The following SLC30A6 variants were observed in gnomAD, a reference collection of about 807,000 sequenced individuals.
The protein encoded by SLC30A6 is zinc transporter 6.
A neutral mutation model predicts 63.0 loss-of-function variants in SLC30A6; 55 were observed. That is an observed-to-expected ratio of 0.87 (90% confidence interval 0.70 to 1.09). The LOEUF is 1.09. SLC30A6 is among the 50% of genes least tolerant of loss of function. SLC30A6 has a pLI of 0.00. For missense variants in SLC30A6, 587 were observed against 549.2 expected, an observed-to-expected ratio of 1.07 and a Z score of -0.69; for synonymous variants, 224 against 186.1, an observed-to-expected ratio of 1.20 and a Z score of -1.66.
chr2:32,217,928 A>C (rs212698), intron 13 of SLC30A6, among the ~76,000 whole-genome samples: 96,139 of 151,464 alleles, frequency 0.63, 30,744 homozygotes, highest in African/African-American at 0.68. Flanking sequence ...CTCGACCTCT[A>C]AGGTTCAATC....
intron 12 of SLC30A6, among the ~76,000 whole-genome samples, chr2:32,207,747 C>G (rs1684905776): frequency 7.8e-6 from 1 of 128,892 alleles, no homozygotes; most frequent in East Asian, 2.4e-4. Flanking sequence ...GTCGCCCAGG[C>G]TGGAGTGCAG....
At chr2:32,166,277 C>A (rs1161936683) in intron 1 of SLC30A6, among the ~76,000 whole-genome samples, 1 of 150,546 alleles carries the variant, frequency 6.6e-6, no homozygotes, top group Admixed American at 6.6e-5. Flanking sequence ...AATAGTGATT[C>A]TTAGAGCAGT....
At chr2:32,218,735 T>C (rs905800765) in intron 13 of SLC30A6, among the ~76,000 whole-genome samples, 5 of 152,274 alleles carry the variant, frequency 3.3e-5, no homozygotes, top group African/African-American at 1.2e-4. Flanking sequence ...TTTTGTATTT[T>C]TAGTAGAGAC....
Position 32,192,358 on chromosome 2 carries a change from G to C in SLC30A6, c.307G>C (p.Ala103Pro). The change falls in exon 6 of 14, where the codon GCT (alanine) becomes CCT (proline). Residue 103 changes from alanine (A) to proline (P), a missense_variant. By Grantham distance (27) the Ala-to-Pro change is conservative. Coordinates refer to ENST00000282587, the MANE Select transcript of SLC30A6 (RefSeq NM_017964.5). The part of the protein sequence containing the change: ...SFGFERLEVL[A>P]VFASTVLAQL... The stretch of plus-strand genomic sequence containing the variant: ...CAGGTTTGAAAGATTAGAAGTCCTG[G>C]CTGTATTTGCCTCCACAGTCTTGGC... 6.2e-7 allele frequency: 1 copy of C among 1,613,964 alleles called. No homozygotes were observed. Among genetic ancestry groups the C allele is most frequent in the Non-Finnish European group, 8.5e-7 (1 of 1,179,918 alleles).
intron 10 of SLC30A6, chr2:32,203,444 G>T: frequency 1.3e-6 from 2 of 1,530,192 alleles, no homozygotes; most frequent in Middle Eastern, 2.3e-4. Context: ...CCAACCATCA[G>T]CTCAGATACT....
At chr2:32,197,919 C>T in intron 10 of SLC30A6, 93 bp downstream of exon 10, 1 of 1,473,704 alleles carries the variant, frequency 6.8e-7, no homozygotes, top group East Asian at 2.3e-5. Context: ...AAGCTTCTAG[C>T]AGTTTCGCTT....
chr2:32,220,733 A>G lies in SLC30A6; in HGVS notation c.*20A>G. ...CCATGATAGACTCTAACTTATTTTT[A>G]TAAGGAATATTGACTCCTTGGCTTC... On this transcript the variant is annotated 3_prime_UTR_variant, in exon 14 of 14. Transcript: ENST00000282587. 6.3e-7 allele frequency: 1 copy of G among 1,590,648 alleles called. No individual in the cohort carries two copies. Among genetic ancestry groups the G allele is most frequent in the Non-Finnish European group, 8.6e-7 (1 of 1,167,708 alleles).
intron 4 of SLC30A6, among the ~76,000 whole-genome samples, chr2:32,183,514 T>C (rs1682529349): frequency 6.6e-6 from 1 of 150,958 alleles, no homozygotes; most frequent in Non-Finnish European, 1.5e-5. Flanking sequence ...AAACCTCGTC[T>C]CTACTAAAAA....
intron 11 of SLC30A6, among the ~76,000 whole-genome samples, chr2:32,206,304 G>A (rs1275012580): frequency 6.6e-6 from 1 of 152,002 alleles, no homozygotes; most frequent in African/African-American, 2.4e-5. Flanking sequence ...AAATTAGCCG[G>A]GCATGGTGGC....
At chr2:32,191,044 T>C (rs771602565) in intron 5 of SLC30A6, among the ~76,000 whole-genome samples, 1 of 152,238 alleles carries the variant, frequency 6.6e-6, no homozygotes, top group Non-Finnish European at 1.5e-5. Flanking sequence ...TACTGCACTA[T>C]GTCAATTATT....
At chr2:32,171,139 CAT>C in intron 1 of SLC30A6, 146 bp from the exon 2 acceptor site, 1 of 555,426 alleles carries the variant, frequency 1.8e-6, no homozygotes, top group Non-Finnish European at 3.2e-6. Flanking sequence ...CATAAATACA[CAT>C]AAAGTGTCTA....
rs1035018814 is a variant in SLC30A6, at chr2:32,214,746, G to A, written c.885+5185G>A. ...AATATCACAAAAGCCATAGATTAAC[G>A]CATGCACTGTAATTATAGGAGACTT... On this transcript the variant is annotated intron_variant, in intron 13 of 13. Coordinates refer to ENST00000282587, the MANE Select transcript of SLC30A6 (RefSeq NM_017964.5). Among the ~76,000 whole-genome samples, 8 of 152,256 alleles carry A rather than the reference G, an allele frequency of 5.3e-5. 1 individual carries two copies. Among genetic ancestry groups the A allele is most frequent in the Admixed American group, 4.6e-4 (7 of 15,280 alleles).
intron 10 of SLC30A6, chr2:32,202,668 G>T: frequency 1.6e-6 from 1 of 630,498 alleles, no homozygotes; most frequent in South Asian, 1.5e-5. Flanking sequence ...TGTTGTGCTT[G>T]ATGAAGTGGA....
intron 12 of SLC30A6, among the ~76,000 whole-genome samples, chr2:32,208,922 G>A (rs746005122): frequency 3.3e-5 from 5 of 152,200 alleles, no homozygotes; most frequent in Non-Finnish European, 5.9e-5. Context: ...TTGTCAGTGT[G>A]ACAGAGGCCA....
intron 12 of SLC30A6, 132 bp downstream of exon 12, chr2:32,207,065 C>T: frequency 1.5e-6 from 1 of 684,772 alleles, no homozygotes; most frequent in Non-Finnish European, 2.5e-6. Flanking sequence ...CAATAACATA[C>T]TAGGAGCCAT....
chr2:32,224,227 C>A lies in SLC30A6; in HGVS notation c.*3514C>A, dbSNP rs1345100093. 12 of 385,016 alleles carry A rather than the reference C, an allele frequency of 3.1e-5. No individual in the cohort carries two copies. The highest frequency in any genetic ancestry group is 4.6e-5 in the Non-Finnish European group (10 of 215,734). 23.8% of individuals were successfully genotyped at this position (385,016 alleles called of 1,614,324 possible). On this transcript the variant is annotated 3_prime_UTR_variant, in exon 14 of 14. Transcript: ENST00000282587. Reference sequence around the variant, plus strand: ...CCAGGCACTATACTAAGTTAATATGCATTCAGTATACCAGTTGGTGTGACC... The same window carrying A: ...CCAGGCACTATACTAAGTTAATATGAATTCAGTATACCAGTTGGTGTGACC...
intron 8 of SLC30A6, among the ~76,000 whole-genome samples, chr2:32,196,090 G>T (rs146978809): frequency 0.014 from 2,077 of 152,138 alleles, 26 homozygotes; most frequent in Non-Finnish European, 0.016. Flanking sequence ...CAAGTCAGGC[G>T]GATCACAAGG....
chr2:32,179,243 T>G (rs751897524), intron 4 of SLC30A6, among the ~76,000 whole-genome samples: 2 of 152,170 alleles, frequency 1.3e-5, no homozygotes, highest in Non-Finnish European at 2.9e-5. Context: ...TCAATTAAAT[T>G]TATAAATGCC....
chr2:32,200,735 C>T (rs1443943984), intron 10 of SLC30A6, among the ~76,000 whole-genome samples: 1 of 152,032 alleles, frequency 6.6e-6, no homozygotes, highest in Non-Finnish European at 1.5e-5. Context: ...AAACCAGAGA[C>T]CTTTGTTCAC....
Sources: allele counts gnomAD v4.1 joint callset (sites outside exome capture counted in the v4.1 genomes callset), GRCh38; gene constraint gnomAD v4.1.1; transcripts MANE v1.5; gene names NCBI Gene and HGNC (gene_info 2026-07-23, HGNC 2026-07-21).